Variants in SLIT2 observed in about 807,000 individuals in gnomAD.
SLIT2 encodes slit homolog 2 protein.
Under a neutral mutation model 185.7 loss-of-function variants are expected in SLIT2, and 41 were observed. The observed-to-expected ratio is 0.22, with a 90% CI of 0.17 to 0.29. The LOEUF is 0.29. Ranked by LOEUF, SLIT2 falls within the 10% of genes least tolerant of loss-of-function variation. The pLI, the probability that SLIT2 is intolerant of heterozygous loss-of-function variation, is 1.00. For missense variants in SLIT2, 1,571 were observed against 1,909.0 expected, an observed-to-expected ratio of 0.82 and a Z score of 3.30; for synonymous variants, 693 against 680.2, an observed-to-expected ratio of 1.02 and a Z score of -0.29.
intron 4 of SLIT2, among the ~76,000 whole-genome samples, chr4:20,339,206 T>C (rs1056338262): frequency 6.6e-6 from 1 of 151,228 alleles, no homozygotes; most frequent in Non-Finnish European, 1.5e-5. Context: ...GAAAAGGTAA[T>C]AACCAACTCT....
chr4:20,492,724 T>C (rs1276742185), intron 9 of SLIT2, among the ~76,000 whole-genome samples: 2 of 152,168 alleles, frequency 1.3e-5, no homozygotes, highest in Non-Finnish European at 2.9e-5. Context: ...TTGGTTGAAA[T>C]AATAGGAACA....
chr4:20,256,710 C>G lies in SLIT2; in HGVS notation c.218C>G (p.Thr73Arg), dbSNP rs1267911641. 6.3e-7 allele frequency: 1 copy of G among 1,575,970 alleles called. No individual in the cohort carries two copies. Among genetic ancestry groups the G allele is most frequent in the Non-Finnish European group, 8.7e-7 (1 of 1,153,116 alleles). The change falls in exon 2 of 37, where the codon ACA becomes AGA. Residue 73 changes from threonine to arginine, a missense_variant. This residue lies in a region of SLIT2 where 1,202 missense variants were observed against 1,416.4 expected (regional missense o/e 0.85). Transcript: ENST00000504154. ...NGNNITRITK[T>R]DFAGLRHLRV... ...AATAACATCACAAGAATTACGAAGA[C>G]AGATTTTGCTGGTCTTAGACATCTA...
chr4:20,308,982 A>C (rs759607233), intron 4 of SLIT2, among the ~76,000 whole-genome samples: 13 of 152,110 alleles, frequency 8.5e-5, no homozygotes, highest in Admixed American at 2.0e-4. Context: ...TTCGAGAATA[A>C]GTTTAATTTT....
chr4:20,307,194 C>CCTTCCTTCCTTCCTTA, intron 4 of SLIT2, among the ~76,000 whole-genome samples: 1 of 109,172 alleles, frequency 9.2e-6, no homozygotes, highest in Non-Finnish European at 1.9e-5. Context: ...TTCCTTCCTT[C>CCTTCCTTCCTTCCTTA]TTTCCCTGAC....
chr4:20,427,886 C>T (rs1332836270), intron 4 of SLIT2, among the ~76,000 whole-genome samples: 1 of 152,086 alleles, frequency 6.6e-6, no homozygotes, highest in African/African-American at 2.4e-5. Flanking sequence ...CTCTTCATTT[C>T]TAAGTCTTCT....
chr4:20,549,814 A>G (rs1029073798), intron 24 of SLIT2, among the ~76,000 whole-genome samples: 3 of 151,958 alleles, frequency 2.0e-5, no homozygotes, highest in African/African-American at 7.2e-5. Context: ...TTTAACTGGT[A>G]GAGACTGTTG....
At chr4:20,451,030 G>T (rs997692701) in intron 4 of SLIT2, among the ~76,000 whole-genome samples, 1 of 152,152 alleles carries the variant, frequency 6.6e-6, no homozygotes, top group Non-Finnish European at 1.5e-5. Context: ...TAATATGCAG[G>T]TTTGTGGGTA....
chr4:20,255,630 C>A (rs925620302), intron 1 of SLIT2, among the ~76,000 whole-genome samples: 3 of 151,316 alleles, frequency 2.0e-5, no homozygotes, highest in Non-Finnish European at 4.4e-5. Flanking sequence ...AAAGTTTAAG[C>A]ACGAACATGT....
chr4:20,405,028 A>G (rs1417735623), intron 4 of SLIT2, among the ~76,000 whole-genome samples: 1 of 151,610 alleles, frequency 6.6e-6, no homozygotes, highest in African/African-American at 2.4e-5. Flanking sequence ...TGAGGGAGAA[A>G]GACTCTTCTT....
intron 4 of SLIT2, among the ~76,000 whole-genome samples, chr4:20,435,858 T>C (rs1283304754): frequency 1.3e-5 from 2 of 152,178 alleles, no homozygotes; most frequent in Admixed American, 1.3e-4. Flanking sequence ...AATGTAGATA[T>C]TGTGCAGATA....
intron 4 of SLIT2, among the ~76,000 whole-genome samples, chr4:20,313,785 T>A (rs999079765): frequency 6.6e-6 from 1 of 152,038 alleles, no homozygotes; most frequent in East Asian, 1.9e-4. Context: ...TTTGTCCTCC[T>A]ATGACGATCT....
chr4:20,605,481 A>G (rs1728722483), intron 33 of SLIT2, among the ~76,000 whole-genome samples: 1 of 152,146 alleles, frequency 6.6e-6, no homozygotes, highest in Admixed American at 6.5e-5. Flanking sequence ...GAAAGGCCCA[A>G]AGTTAAGTGG....
intron 8 of SLIT2, chr4:20,490,740 A>T (rs539531259): frequency 9.0e-7 from 1 of 1,106,516 alleles, no homozygotes; most frequent in Non-Finnish European, 1.3e-6. Context: ...AAATAATGAA[A>T]TGACTAACAG....
chr4:20,487,765 T>G (rs542264106), intron 7 of SLIT2, among the ~76,000 whole-genome samples: 2 of 152,330 alleles, frequency 1.3e-5, no homozygotes, highest in South Asian at 4.1e-4. Flanking sequence ...TCAAGGAGAA[T>G]GCAAAGCAGC....
intron 4 of SLIT2, among the ~76,000 whole-genome samples, chr4:20,377,699 C>T (rs1413556799): frequency 1.3e-5 from 2 of 152,080 alleles, no homozygotes; most frequent in Non-Finnish European, 2.9e-5. Context: ...GAATTTCTCA[C>T]TACAGAAGGG....
chr4:20,395,080 C>A (rs1725778099), intron 4 of SLIT2, among the ~76,000 whole-genome samples: 1 of 151,930 alleles, frequency 6.6e-6, no homozygotes, highest in Non-Finnish European at 1.5e-5. Flanking sequence ...CTAAGATAAA[C>A]AAGATGGAAA....
intron 4 of SLIT2, among the ~76,000 whole-genome samples, chr4:20,358,536 T>G (rs1287890044): frequency 6.6e-6 from 1 of 152,060 alleles, no homozygotes; most frequent in Non-Finnish European, 1.5e-5. Flanking sequence ...AAGAAAAATA[T>G]TAAGGAAAAA....
At chr4:20,423,284 T>G (rs1023547950) in intron 4 of SLIT2, among the ~76,000 whole-genome samples, 1 of 152,014 alleles carries the variant, frequency 6.6e-6, no homozygotes, top group African/African-American at 2.4e-5. Flanking sequence ...AAAAGGAGAC[T>G]TAGGACAATG....
chr4:20,593,829 G>T (rs1454808288), intron 30 of SLIT2, among the ~76,000 whole-genome samples: 3 of 151,862 alleles, frequency 2.0e-5, no homozygotes, highest in East Asian at 3.9e-4. Flanking sequence ...TGAAGCCGGG[G>T]TACAAACACA....
Sources: allele counts gnomAD v4.1 joint callset (sites outside exome capture counted in the v4.1 genomes callset), GRCh38; gene constraint gnomAD v4.1.1; regional missense constraint gnomAD v4.1.1; transcripts MANE v1.5; gene names NCBI Gene and HGNC (gene_info 2026-07-23, HGNC 2026-07-21).